GPR39: variants seen among roughly 807,000 people sequenced by gnomAD.
GPR39 encodes zinc sensing receptor.
In GPR39, 23 loss-of-function variants were observed where a neutral mutation model predicts 18.4. The observed-to-expected ratio is 1.25, with a 90% CI of 0.90 to 1.77. GPR39 has a LOEUF of 1.77. Ranked by LOEUF, GPR39 falls within the 40% of genes most tolerant of loss-of-function variation. The pLI is 0.00. For missense variants in GPR39, 647 were observed against 602.4 expected (o/e 1.07, Z -0.78); for synonymous variants, 280 against 257.9 (o/e 1.09, Z -0.82).
Position 132,646,528 on chromosome 2 carries a change from A to G in GPR39, c.*922A>G. 2.6e-6 allele frequency: 1 copy of G among 380,696 alleles called. No homozygotes were observed. The highest frequency in any genetic ancestry group is 4.6e-6 in the Non-Finnish European group (1 of 215,420). 23.6% of individuals were successfully genotyped at this position (380,696 alleles called of 1,614,324 possible). On this transcript the variant is annotated 3_prime_UTR_variant, in exon 2 of 2. Coordinates refer to ENST00000329321, the MANE Select transcript of GPR39 (RefSeq NM_001508.3). Reference sequence around the variant, plus strand: ...ATTTGAGATGCCAATACCTGTGAATACCTGTTAATAAAGAGCTGTTAAATA... The same window carrying G: ...ATTTGAGATGCCAATACCTGTGAATGCCTGTTAATAAAGAGCTGTTAAATA...
chr2:132,452,723 C>T (rs562249731), intron 1 of GPR39, among the ~76,000 whole-genome samples: 5 of 150,638 alleles, frequency 3.3e-5, no homozygotes, highest in Non-Finnish European at 7.4e-5. Flanking sequence ...TGAGAACATG[C>T]GGTGTTTGTT....
rs1385937882 is a variant in GPR39, at chr2:132,441,876, TG to T, written c.856+23979del. On this transcript the variant is annotated intron_variant, in intron 1 of 1. Transcript: ENST00000329321. ...CGCTCTTCACGCAGAGGGGAGATCTTGCCGTGTGCTTGCACTCACACCCATG... is the reference window on the plus strand; with the variant it reads ...CGCTCTTCACGCAGAGGGGAGATCTTCCGTGTGCTTGCACTCACACCCATG... 2.0e-5 allele frequency among the ~76,000 whole-genome samples: 3 copies of T among 152,328 alleles called. No homozygotes were observed. The South Asian group carries it at 6.2e-4, about 32-fold the overall frequency.
rs567281153 is a variant in GPR39, at chr2:132,477,272, G to A, written c.856+59374G>A. ...GCGCCTGAACAGGACTTTGAAGGAC[G>A]AGTAGAAGATACATAGATGAGGACA... On this transcript the variant is annotated intron_variant, in intron 1 of 1. Transcript: ENST00000329321. Among the ~76,000 whole-genome samples, 8 of 152,290 alleles carry A rather than the reference G, an allele frequency of 5.3e-5. No individual in the cohort carries two copies. In the East Asian group the frequency reaches 7.7e-4, roughly 15 times the overall value.
intron 1 of GPR39, among the ~76,000 whole-genome samples, chr2:132,427,334 A>T (rs76564601): frequency 0.22 from 31,474 of 146,294 alleles, 3,497 homozygotes; most frequent in African/African-American, 0.26. Flanking sequence ...TGGCTAATAT[A>T]TTTTTTTTTA....
At chr2:132,607,572 A>ATCT (rs1374194325) in intron 1 of GPR39, among the ~76,000 whole-genome samples, 10 of 152,146 alleles carry the variant, frequency 6.6e-5, no homozygotes, top group Non-Finnish European at 1.2e-4. Context: ...GCCTAAAGTT[A>ATCT]TCTTTGACGT....
At chr2:132,601,820 G>A (rs1012126300) in intron 1 of GPR39, among the ~76,000 whole-genome samples, 1 of 152,016 alleles carries the variant, frequency 6.6e-6, no homozygotes, top group Middle Eastern at 3.4e-3. Flanking sequence ...ATATATAATA[G>A]CTATGAAAAA....
At chr2:132,471,735 T>G (rs6734421) in intron 1 of GPR39, among the ~76,000 whole-genome samples, 1 of 151,626 alleles carries the variant, frequency 6.6e-6, no homozygotes, top group Non-Finnish European at 1.5e-5. Flanking sequence ...GTCAGTCAGA[T>G]TGACTCTGGG....
intron 1 of GPR39, among the ~76,000 whole-genome samples, chr2:132,530,284 GAGAGA>G (rs1679590941): frequency 6.6e-6 from 1 of 152,158 alleles, no homozygotes; most frequent in Non-Finnish European, 1.5e-5. Context: ...ATGAAATGAA[GAGAGA>G]AGAGAAGTTT....
At chr2:132,590,065 A>T (rs184701198) in intron 1 of GPR39, among the ~76,000 whole-genome samples, 35 of 152,356 alleles carry the variant, frequency 2.3e-4, no homozygotes, top group African/African-American at 7.7e-4. Context: ...TAGTAGAATT[A>T]AACTTCAAAC....
intron 1 of GPR39, among the ~76,000 whole-genome samples, chr2:132,525,631 G>C (rs570414630): frequency 5.1e-4 from 77 of 152,310 alleles, no homozygotes; most frequent in African/African-American, 1.7e-3. Flanking sequence ...GTTTCTGCCT[G>C]TCTTACTACA....
chr2:132,575,038 A>G (rs1680505739), intron 1 of GPR39, among the ~76,000 whole-genome samples: 2 of 152,126 alleles, frequency 1.3e-5, no homozygotes, highest in Admixed American at 6.5e-5. Context: ...TTCTACATTT[A>G]TTTTTTTCAT....
At chr2:132,534,840 G>A (rs571832087) in intron 1 of GPR39, among the ~76,000 whole-genome samples, 1 of 152,098 alleles carries the variant, frequency 6.6e-6, no homozygotes, top group Non-Finnish European at 1.5e-5. Flanking sequence ...GGACTGTTGT[G>A]GGGTTGGGGG....
In GPR39 at chr2:132,417,476, C is replaced by T; in HGVS notation, c.434C>T (p.Ala145Val). 5 of 1,614,202 alleles carry T rather than the reference C, an allele frequency of 3.1e-6. No homozygotes were observed. The highest frequency in any genetic ancestry group is 2.2e-5 in the East Asian group (1 of 44,866). ...IAICHPFRYKAVSGPCQVKLL... is the reference protein window; with the variant it reads ...IAICHPFRYKVVSGPCQVKLL... ...ATCTGTCACCCCTTCAGGTACAAGG[C>T]TGTGTCGGGACCTTGCCAGGTGAAG... Residue 145 changes from alanine to valine, a missense_variant, in exon 1 of 2, where the codon GCT (alanine) becomes GTT (valine). Coordinates refer to ENST00000329321, the MANE Select transcript of GPR39 (RefSeq NM_001508.3).
At chr2:132,493,527 T>TATATATATATATATAC (rs1553451805) in intron 1 of GPR39, among the ~76,000 whole-genome samples, 3 of 129,990 alleles carry the variant, frequency 2.3e-5, no homozygotes, top group African/African-American at 9.3e-5. Context: ...TATATATATA[T>TATATATATATATATAC]ACACACACCA....
At chr2:132,456,574 C>T (rs564160224) in intron 1 of GPR39, among the ~76,000 whole-genome samples, 2 of 152,116 alleles carry the variant, frequency 1.3e-5, no homozygotes, top group Admixed American at 6.5e-5. Context: ...TTCATAGCAT[C>T]GATGGTCTTT....
intron 1 of GPR39, among the ~76,000 whole-genome samples, chr2:132,635,669 G>A (rs1189340798): frequency 6.6e-6 from 1 of 152,102 alleles, no homozygotes; most frequent in East Asian, 1.9e-4. Flanking sequence ...TGGGGCCTGG[G>A]GCATAGAAGA....
At chr2:132,619,830 G>GACAC (rs59907073) in intron 1 of GPR39, among the ~76,000 whole-genome samples, 2,101 of 138,542 alleles carry the variant, frequency 0.015, 45 homozygotes, top group African/African-American at 0.053. Context: ...CACAGACACA[G>GACAC]ACACACACAC....
At chr2:132,492,476 AC>A (rs1389079337) in intron 1 of GPR39, among the ~76,000 whole-genome samples, 1 of 143,662 alleles carries the variant, frequency 7.0e-6, no homozygotes, top group Non-Finnish European at 1.5e-5. Flanking sequence ...CCATATATAT[AC>A]ACCATATATA....
chr2:132,439,200 A>G (rs1374724348), intron 1 of GPR39, among the ~76,000 whole-genome samples: 3 of 152,214 alleles, frequency 2.0e-5, no homozygotes, highest in Non-Finnish European at 2.9e-5. Context: ...GAAAATCACA[A>G]TGGTGTCAAG....
Sources: allele counts gnomAD v4.1 joint callset (sites outside exome capture counted in the v4.1 genomes callset), GRCh38; gene constraint gnomAD v4.1.1; transcripts MANE v1.5; gene names NCBI Gene and HGNC (gene_info 2026-07-23, HGNC 2026-07-21).